The following TBC1D12 variants were observed in gnomAD, a reference collection of about 807,000 sequenced individuals.
TBC1D12 encodes the protein TBC1 domain family, member 12.
TBC1D12 carries 56 observed loss-of-function variants against 86.7 expected under a neutral mutation model. The ratio of observed to expected loss-of-function variants is 0.65; its 90% CI spans 0.52 to 0.81. TBC1D12 has a LOEUF of 0.81. Ranked by LOEUF, TBC1D12 falls within the 30% of genes least tolerant of loss-of-function variation. TBC1D12 has a pLI of 0.00. For synonymous variants in TBC1D12, 421 were observed against 411.7 expected (o/e 1.02, Z -0.27); for missense variants, 1,023 against 1,038.8 (o/e 0.98, Z 0.21).
At chr10:94,485,928 T>C (rs1228270978) in intron 3 of TBC1D12, among the ~76,000 whole-genome samples, 2 of 152,232 alleles carry the variant, frequency 1.3e-5, no homozygotes, top group African/African-American at 4.8e-5. Flanking sequence ...CCACAAACGA[T>C]CCTTTGAATT....
chr10:94,497,244 T>C lies in TBC1D12; in HGVS notation c.1412+72T>C. On this transcript the variant is annotated intron_variant, in intron 5 of 12. Transcript: ENST00000225235. ...TCATGTTTCTTTTTTTTTTTTTAAT[T>C]TATTATTATTATACTTTAAGTTTTA... 9 of 814,792 alleles carry C rather than the reference T, an allele frequency of 1.1e-5. No individual in the cohort carries two copies. In the South Asian group the frequency reaches 1.7e-4, roughly 15 times the overall value. 50.5% of individuals were successfully genotyped at this position (814,792 alleles called of 1,614,324 possible). A position where few individuals can be genotyped will look rare whatever the true frequency, so the allele number is the denominator to read the frequency against.
chr10:94,434,700 G>A (rs1379622532), intron 1 of TBC1D12, among the ~76,000 whole-genome samples: 1 of 151,954 alleles, frequency 6.6e-6, no homozygotes, highest in Non-Finnish European at 1.5e-5. Context: ...GAGCTCAGGA[G>A]TTCGAGACCA....
intron 2 of TBC1D12, 64 bp downstream of exon 2, chr10:94,442,083 T>C (rs2055391351): frequency 2.8e-5 from 2 of 71,098 alleles, no homozygotes; most frequent in Admixed American, 2.3e-4. Flanking sequence ...CTTCTTCTTC[T>C]TTTTTTTTTT....
At chr10:94,429,458 G>A (rs371951579) in intron 1 of TBC1D12, among the ~76,000 whole-genome samples, 10 of 152,124 alleles carry the variant, frequency 6.6e-5, no homozygotes, top group Non-Finnish European at 1.2e-4. Context: ...ATTGAGGCTT[G>A]TAAAGAATGT....
In TBC1D12 at chr10:94,515,153, C is replaced by T. The variant is rs189752265; in HGVS notation, c.1761+3499C>T. Among the ~76,000 whole-genome samples the T allele has an allele frequency of 4.3e-3, 651 of 151,182 alleles. 4 individuals are homozygous for T. The highest frequency in any genetic ancestry group is 6.8e-3 in the African/African-American group (281 of 41,186). Reference sequence around the variant, plus strand: ...CGATCTCCTGACCTCGTGATCCGCCCGCCTCGGCCTCCCAAAGTGCTGGGA... The same window carrying T: ...CGATCTCCTGACCTCGTGATCCGCCTGCCTCGGCCTCCCAAAGTGCTGGGA... On this transcript the variant is annotated intron_variant, in intron 9 of 12. Transcript: ENST00000225235.
At chr10:94,511,755 T>C in intron 9 of TBC1D12, 101 bp downstream of exon 9, 1 of 827,032 alleles carries the variant, frequency 1.2e-6, no homozygotes, top group Non-Finnish European at 2.0e-6. Flanking sequence ...TCTGTATTTC[T>C]ATGTCTGTTT....
chr10:94,521,837 G>T (rs761797294), intron 9 of TBC1D12, 118 bp from the exon 10 acceptor site: 424 of 928,292 alleles, frequency 4.6e-4, no homozygotes, highest in Non-Finnish European at 5.9e-4. Context: ...AAGGAAAAAA[G>T]AAATCTTGGT....
intron 7 of TBC1D12, among the ~76,000 whole-genome samples, chr10:94,507,924 T>A (rs549732640): frequency 6.6e-6 from 1 of 152,146 alleles, no homozygotes; most frequent in East Asian, 1.9e-4. Flanking sequence ...GAGGCAGAGG[T>A]TACAGTGAGC....
At chr10:94,426,422 C>T (rs2055147356) in intron 1 of TBC1D12, among the ~76,000 whole-genome samples, 1 of 151,926 alleles carries the variant, frequency 6.6e-6, no homozygotes, top group African/African-American at 2.4e-5. Flanking sequence ...TTTTCTGTGT[C>T]CATTGATGTA....
At chr10:94,440,351 A>AT (rs1314143167) in intron 1 of TBC1D12, among the ~76,000 whole-genome samples, 1 of 151,294 alleles carries the variant, frequency 6.6e-6, no homozygotes, top group African/African-American at 2.4e-5. Flanking sequence ...TTTAATTTTT[A>AT]TTTTTTGTAG....
intron 3 of TBC1D12, among the ~76,000 whole-genome samples, chr10:94,484,940 T>C (rs2056137390): frequency 6.6e-6 from 1 of 152,236 alleles, no homozygotes; most frequent in Non-Finnish European, 1.5e-5. Flanking sequence ...GATTTTTGTC[T>C]GTTGATTTTT....
intron 1 of TBC1D12, among the ~76,000 whole-genome samples, chr10:94,422,182 GT>G (rs1394189902): frequency 7.1e-6 from 1 of 140,950 alleles, no homozygotes; most frequent in Non-Finnish European, 1.5e-5. Context: ...TAGGGTTCAT[GT>G]AGTTTTTTTT....
Position 94,536,131 on chromosome 10 carries a change from A to G in TBC1D12, c.*3035A>G, listed in dbSNP as rs1425457414. ...TTCTCTTGAGCCCAGTATGTAGGAA[A>G]TATGTGATAATTCACATGGTCAGTA... On this transcript the variant is annotated 3_prime_UTR_variant, in exon 13 of 13. Coordinates refer to ENST00000225235, the MANE Select transcript of TBC1D12 (RefSeq NM_015188.2). Among the ~76,000 whole-genome samples the G allele has an allele frequency of 6.6e-6, 1 of 152,116 alleles. No individual in the cohort carries two copies. Among genetic ancestry groups the G allele is most frequent in the Non-Finnish European group, 1.5e-5 (1 of 67,988 alleles).
intron 1 of TBC1D12, among the ~76,000 whole-genome samples, chr10:94,441,513 T>C (rs1381648624): frequency 6.6e-6 from 1 of 152,196 alleles, no homozygotes; most frequent in Middle Eastern, 3.2e-3. Context: ...ATCATTTTCC[T>C]TCCAATTTGT....
intron 2 of TBC1D12, among the ~76,000 whole-genome samples, chr10:94,467,232 T>A (rs760018788): frequency 6.6e-6 from 1 of 151,780 alleles, no homozygotes; most frequent in Non-Finnish European, 1.5e-5. Context: ...TTTTTTTTTG[T>A]TTTTGTTTTT....
chr10:94,488,047 G>A (rs957058913), intron 3 of TBC1D12, among the ~76,000 whole-genome samples: 1 of 151,962 alleles, frequency 6.6e-6, no homozygotes, highest in Admixed American at 6.6e-5. Flanking sequence ...GTCTTGAAAA[G>A]CTGTTTCAGG....
chr10:94,511,222 C>T (rs978065175), intron 8 of TBC1D12, among the ~76,000 whole-genome samples: 1 of 150,950 alleles, frequency 6.6e-6, no homozygotes, highest in African/African-American at 2.4e-5. Context: ...CTCAGCCACC[C>T]GAGTAGCTGG....
At chr10:94,417,198 T>C (rs2055010445) in intron 1 of TBC1D12, among the ~76,000 whole-genome samples, 2 of 152,210 alleles carry the variant, frequency 1.3e-5, no homozygotes, top group African/African-American at 2.4e-5. Flanking sequence ...TGGTAGTTTA[T>C]GGGTGTTTGT....
chr10:94,511,041 T>G (rs948900989), intron 8 of TBC1D12, among the ~76,000 whole-genome samples: 1 of 151,546 alleles, frequency 6.6e-6, no homozygotes, highest in Non-Finnish European at 1.5e-5. Context: ...CTTGTATCCA[T>G]CAAGTAAGTT....
Sources: gnomAD v4.1 joint callset for allele counts (sites outside exome capture counted in the v4.1 genomes callset) on GRCh38, gnomAD v4.1.1 for gene constraint, MANE v1.5 for transcripts, NCBI Gene and HGNC (gene_info 2026-07-23, HGNC 2026-07-21) for gene names.